PDE4DIP: variants seen among roughly 807,000 people sequenced by gnomAD.
The protein encoded by PDE4DIP is phosphodiesterase 4D interacting protein.
A neutral mutation model predicts 221.4 loss-of-function variants in PDE4DIP; 59 were observed. That is an observed-to-expected ratio of 0.27 (90% CI 0.22 to 0.33). PDE4DIP has a LOEUF of 0.33. Among genes scored for constraint, PDE4DIP ranks in the 10% least tolerant of loss-of-function variants. The pLI, the probability that PDE4DIP is intolerant of heterozygous loss-of-function variation, is 1.00. For missense variants in PDE4DIP, 1,036 were observed against 2,154.2 expected (o/e 0.48, Z 10.28); for synonymous variants, 404 against 815.9 (o/e 0.50, Z 8.60).
chr1:148,822,575 A>G (rs1183507729), intron 1 of PDE4DIP, among the ~76,000 whole-genome samples: 4 of 151,012 alleles, frequency 2.6e-5, no homozygotes, highest in African/African-American at 9.7e-5. Context: ...GGTTCCTGGT[A>G]CCAAAAAGGT....
In PDE4DIP at chr1:148,923,807, T is replaced by G. The variant is rs1413930514; in HGVS notation, c.142-5390T>G. On this transcript the variant is annotated intron_variant, in intron 1 of 43. Transcript: ENST00000369354. The stretch of plus-strand genomic sequence containing the variant: ...TTGTATCAGACATTGTGCTGGGTAC[T>G]TTACATAAATTCATTTATTCCTCAC... Among the ~76,000 whole-genome samples the G allele has an allele frequency of 1.4e-5, 2 of 146,236 alleles. 1 individual carries two copies. Among genetic ancestry groups the G allele is most frequent in the Non-Finnish European group, 3.0e-5 (2 of 66,560 alleles).
chr1:148,999,700 A>G (rs2065161979), intron 23 of PDE4DIP, among the ~76,000 whole-genome samples: 1 of 151,746 alleles, frequency 6.6e-6, no homozygotes, highest in Non-Finnish European at 1.5e-5. Flanking sequence ...GGGTAAGAAC[A>G]GTACATCTCT....
chr1:148,985,070 A>G (rs2061683864), intron 21 of PDE4DIP: 1 of 152,114 alleles, frequency 6.6e-6, no homozygotes, highest in Non-Finnish European at 1.5e-5. Context: ...TTTCCATTTT[A>G]CCTTGTAGAA....
At chr1:148,948,620 C>T (rs587776191) in intron 5 of PDE4DIP, among the ~76,000 whole-genome samples, 1 of 151,958 alleles carries the variant, frequency 6.6e-6, no homozygotes, top group Non-Finnish European at 1.5e-5. Flanking sequence ...CCAAAGAAAT[C>T]CCTCAAATTA....
intron 16 of PDE4DIP, among the ~76,000 whole-genome samples, chr1:148,973,024 A>G (rs587678399): frequency 2.9e-5 from 4 of 136,166 alleles, no homozygotes; most frequent in East Asian, 2.2e-4. Context: ...AAGATGTTCT[A>G]TGATTACCTT....
exon 20 of PDE4DIP, chr1:148,979,833 C>G (rs782348659): frequency 1.2e-6 from 2 of 1,613,158 alleles, no homozygotes; most frequent in Admixed American, 3.3e-5. Context: ...GGTGAAGTTC[C>G]ATGCCCATCC....
intron 37 of PDE4DIP, 86 bp downstream of exon 40, chr1:149,021,239 T>C: frequency 1.3e-6 from 1 of 750,248 alleles, no homozygotes; most frequent in Non-Finnish European, 2.2e-6. Flanking sequence ...GTTGTGGAGA[T>C]CATGGGAAGC....
chr1:148,961,836 G>C lies in PDE4DIP; in HGVS notation c.769-1G>C. 1 of 1,415,960 alleles carries C rather than the reference G, an allele frequency of 7.1e-7. No homozygotes were observed. The allele number at this position is 1,415,960 out of a possible 1,614,324, so 87.7% of individuals were successfully genotyped here. A position where few individuals can be genotyped will look rare whatever the true frequency, so the allele number is the denominator to read the frequency against. ...AAACTGTTTTTCTTTGCTGAATTCAGATTCTTCAAGAGAAACTTAATGAAA... is the reference window on the plus strand; with the variant it reads ...AAACTGTTTTTCTTTGCTGAATTCACATTCTTCAAGAGAAACTTAATGAAA... On this transcript the variant is annotated splice_acceptor_variant, in intron 6 of 43. Transcript: ENST00000369354. LOFTEE classifies it high-confidence loss of function.
rs587690953 is a variant in PDE4DIP, at chr1:149,029,615, G to A, written c.6814-172G>A. On this transcript the variant is annotated intron_variant, in intron 41 of 43. Coordinates refer to ENST00000369354, the Ensembl canonical transcript of PDE4DIP. ...AGAGTCTCATTATTCCTGCCTAATGGCCTCATCCTGAACTGTCCTCAGCTG... is the reference window on the plus strand; with the variant it reads ...AGAGTCTCATTATTCCTGCCTAATGACCTCATCCTGAACTGTCCTCAGCTG... Among the ~76,000 whole-genome samples the A allele has an allele frequency of 1.1e-4, 16 of 152,242 alleles. No individual in the cohort carries two copies. In the East Asian group the frequency reaches 2.9e-3, roughly 28 times the overall value.
At chr1:148,875,906 A>G (rs1321968838) in intron 3 of PDE4DIP, among the ~76,000 whole-genome samples, 4 of 152,298 alleles carry the variant, frequency 2.6e-5, no homozygotes, top group South Asian at 4.1e-4. Context: ...AGCCTGGGCG[A>G]CAAAGCGAGA....
intron 21 of PDE4DIP, chr1:148,986,352 T>C (rs2061902479): frequency 6.6e-6 from 1 of 152,234 alleles, no homozygotes; most frequent in Admixed American, 6.5e-5. Flanking sequence ...GTGCTGTTAA[T>C]TTCTGTTAAC....
At chr1:149,024,324 A>G in intron 37 of PDE4DIP, 121 bp from the exon 41 acceptor site, 1 of 800,980 alleles carries the variant, frequency 1.2e-6, no homozygotes, top group East Asian at 2.5e-5. Context: ...TCCATCACAG[A>G]TGGGTTGCAT....
chr1:148,927,764 G>A (rs1165565650), intron 1 of PDE4DIP, among the ~76,000 whole-genome samples: 6 of 152,066 alleles, frequency 3.9e-5, no homozygotes, highest in African/African-American at 1.4e-4. Context: ...TCAGGGAAGG[G>A]ACTAATCCAT....
intron 1 of PDE4DIP, among the ~76,000 whole-genome samples, chr1:148,830,397 C>T (rs1261606472): frequency 3.0e-5 from 2 of 67,572 alleles, no homozygotes; most frequent in African/African-American, 1.1e-4. Context: ...CCATTCCACT[C>T]CAGCTACTGA....
intron 28 of PDE4DIP, 97 bp downstream of exon 31, chr1:149,007,533 GT>G (rs1177557511): frequency 2.1e-6 from 1 of 482,480 alleles, no homozygotes; most frequent in Non-Finnish European, 3.6e-6. Context: ...TTATCCTAAG[GT>G]CCTGTTTCTA....
chr1:148,960,863 C>G, intron 6 of PDE4DIP, 78 bp downstream of exon 9: 3 of 518,076 alleles, frequency 5.8e-6, no homozygotes, highest in Admixed American at 6.3e-5. Flanking sequence ...GTCTGTCAAC[C>G]TTTGTAGGAC....
intron 4 of PDE4DIP, among the ~76,000 whole-genome samples, chr1:148,934,310 A>G (rs1475304664): frequency 4.2e-4 from 64 of 151,826 alleles, no homozygotes; most frequent in African/African-American, 1.5e-3. Flanking sequence ...TCATATTTGA[A>G]CCCCAATTAA....
intron 1 of PDE4DIP, among the ~76,000 whole-genome samples, chr1:148,906,381 G>C (rs473046): frequency 0.23 from 14,518 of 63,700 alleles, 398 homozygotes; most frequent in Middle Eastern, 0.29. Context: ...CTTGTTTTGT[G>C]GCCTACCATG....
At chr1:148,992,935 A>T in intron 22 of PDE4DIP, 5 of 1,044,882 alleles carry the variant, frequency 4.8e-6, no homozygotes, top group Non-Finnish European at 5.8e-6. Flanking sequence ...AGCCCAAATA[A>T]GCATCCTCAA....
Sources: allele counts gnomAD v4.1 joint callset (sites outside exome capture counted in the v4.1 genomes callset), GRCh38; gene constraint gnomAD v4.1.1; transcripts MANE v1.5; gene names NCBI Gene and HGNC (gene_info 2026-07-23, HGNC 2026-07-21).